ASXL3: variants seen among roughly 807,000 people sequenced by gnomAD.
ASXL3 encodes the protein ASXL transcriptional regulator 3.
Under a neutral mutation model 170.6 loss-of-function variants are expected in ASXL3, and 34 were observed. The ratio of observed to expected loss-of-function variants is 0.20; its 90% confidence interval spans 0.15 to 0.27. The LOEUF is 0.27. Among genes scored for constraint, ASXL3 ranks in the 10% least tolerant of loss-of-function variants. ASXL3 has a pLI of 1.00. For missense variants in ASXL3, 2,592 were observed against 2,695.3 expected, an observed-to-expected ratio of 0.96 and a Z score of 0.85; for synonymous variants, 1,002 against 989.1, an observed-to-expected ratio of 1.01 and a Z score of -0.24.
chr18:33,641,232 A>G (rs2065841922), intron 2 of ASXL3, among the ~76,000 whole-genome samples: 1 of 152,032 alleles, frequency 6.6e-6, no homozygotes, highest in Non-Finnish European at 1.5e-5. Flanking sequence ...GTTTTTCTGT[A>G]TTTCACACAG....
chr18:33,655,569 C>G (rs1444022500), intron 4 of ASXL3, among the ~76,000 whole-genome samples: 2 of 151,924 alleles, frequency 1.3e-5, no homozygotes, highest in Non-Finnish European at 2.9e-5. Context: ...ACCCAAATAC[C>G]TATACCTATC....
In ASXL3 at chr18:33,747,512, TAATG is replaced by T. The variant is rs1283450944; in HGVS notation, c.*921_*924del. The T allele has an allele frequency of 1.3e-5, 2 of 152,086 alleles. No homozygotes were observed. Among genetic ancestry groups the T allele is most frequent in the Non-Finnish European group, 2.9e-5 (2 of 68,030 alleles). 9.4% of individuals were successfully genotyped at this position (152,086 alleles called of 1,614,324 possible). On this transcript the variant is annotated 3_prime_UTR_variant, in exon 12 of 12. Coordinates refer to ENST00000269197, the MANE Select transcript of ASXL3 (RefSeq NM_030632.3). Reference sequence around the variant, plus strand: ...GATAATGTAAATATCCTATTCACGCTAATGAATTACTAGATATTAAAAGTGGGGG... The same window carrying T: ...GATAATGTAAATATCCTATTCACGCTAATTACTAGATATTAAAAGTGGGGG...
chr18:33,720,758 G>A (rs1353306486), intron 8 of ASXL3, among the ~76,000 whole-genome samples: 1 of 152,008 alleles, frequency 6.6e-6, no homozygotes, highest in Non-Finnish European at 1.5e-5. Flanking sequence ...GCCTTTAGAT[G>A]TCTTTATTTC....
chr18:33,745,609 A>C lies in ASXL3; in HGVS notation c.5761A>C (p.Thr1921Pro), dbSNP rs1215911535. 1.2e-6 allele frequency: 2 copies of C among 1,613,772 alleles called. No homozygotes were observed. Among genetic ancestry groups the C allele is most frequent in the Admixed American group, 1.7e-5 (1 of 59,990 alleles). ...FHVDKNGGFH[T>P]DAGTSHRQQF... ...TGTTGACAAGAATGGCGGCTTCCAC[A>C]CTGACGCTGGTACCTCACACAGACA... Residue 1921 changes from threonine to proline, a missense_variant, in exon 12 of 12, where the codon ACT becomes CCT. Thr to Pro is a conservative substitution (Grantham distance 38). Coordinates refer to ENST00000269197, the MANE Select transcript of ASXL3 (RefSeq NM_030632.3).
intron 1 of ASXL3, among the ~76,000 whole-genome samples, chr18:33,590,872 G>A (rs1268013991): frequency 6.6e-6 from 1 of 152,108 alleles, no homozygotes; most frequent in Non-Finnish European, 1.5e-5. Flanking sequence ...TAGGATCCAA[G>A]TACTATTTAG....
rs1476421832 is a variant in ASXL3, at chr18:33,705,364, G to T, written c.879+21796G>T. ...CGAGTGTTTGGAAAATGTGTTTTTTGTTTTTTTTTTTAATTTAACTGAAAA... is the reference window on the plus strand; with the variant it reads ...CGAGTGTTTGGAAAATGTGTTTTTTTTTTTTTTTTTTAATTTAACTGAAAA... On this transcript the variant is annotated intron_variant, in intron 8 of 11. Coordinates refer to ENST00000269197, the MANE Select transcript of ASXL3 (RefSeq NM_030632.3). Among the ~76,000 whole-genome samples the T allele has an allele frequency of 8.9e-4, 124 of 139,854 alleles. No individual in the cohort carries two copies. In the East Asian group the frequency reaches 0.016, roughly 18 times the overall value. The allele number at this position is 139,854 out of a possible 152,430, so 91.7% of individuals were successfully genotyped here.
chr18:33,600,131 G>A (rs1010511701), intron 1 of ASXL3, among the ~76,000 whole-genome samples: 2 of 152,074 alleles, frequency 1.3e-5, no homozygotes, highest in African/African-American at 4.8e-5. Flanking sequence ...TTGGGTGACT[G>A]TGTTTGCAAA....
At chr18:33,662,946 CT>C (rs1363585001) in intron 5 of ASXL3, among the ~76,000 whole-genome samples, 1 of 152,078 alleles carries the variant, frequency 6.6e-6, no homozygotes, top group Non-Finnish European at 1.5e-5. Context: ...AGGAAAGAAA[CT>C]TAACATGGTT....
At chr18:33,597,307 G>A (rs185984311) in intron 1 of ASXL3, among the ~76,000 whole-genome samples, 5 of 151,892 alleles carry the variant, frequency 3.3e-5, no homozygotes, top group African/African-American at 4.8e-5. Context: ...GAATATATGC[G>A]TCCTCTCTAT....
intron 9 of ASXL3, among the ~76,000 whole-genome samples, chr18:33,732,286 T>C (rs2067463028): frequency 6.6e-6 from 1 of 152,210 alleles, no homozygotes; most frequent in Non-Finnish European, 1.5e-5. Context: ...TTGGACATCA[T>C]AAAATTTTTG....
intron 4 of ASXL3, 103 bp from the exon 5 acceptor site, chr18:33,661,513 T>G (rs2066172986): frequency 1.7e-6 from 2 of 1,146,990 alleles, no homozygotes; most frequent in Admixed American, 2.7e-5. Flanking sequence ...TGCTTTATTT[T>G]AGGTATCCAT....
In ASXL3 at chr18:33,745,543, C is replaced by T. The variant is rs754680550; in HGVS notation, c.5695C>T (p.Arg1899Trp). ...CAGCCCTGAGGTCAAACAGCAAAAG[C>T]GGCTGCTCCCCTCGTGTAGCTTCCA... ...VHSPEVKQQK[R>W]LLPSCSFQQN... The change falls in exon 12 of 12, where the codon CGG (arginine) becomes TGG (tryptophan). Residue 1899 changes from arginine to tryptophan, a missense_variant. Transcript: ENST00000269197. 1.1e-5 allele frequency: 18 copies of T among 1,613,856 alleles called. No individual in the cohort carries two copies. Among genetic ancestry groups the T allele is most frequent in the African/African-American group, 5.3e-5 (4 of 74,914 alleles).
At chr18:33,674,113 AG>A (rs2066389510) in intron 7 of ASXL3, among the ~76,000 whole-genome samples, 1 of 152,176 alleles carries the variant, frequency 6.6e-6, no homozygotes, top group Non-Finnish European at 1.5e-5. Context: ...AGGGTTAAGG[AG>A]GTTACATGAA....
chr18:33,704,779 T>C (rs1472268512), intron 8 of ASXL3, among the ~76,000 whole-genome samples: 1 of 152,064 alleles, frequency 6.6e-6, no homozygotes, highest in Non-Finnish European at 1.5e-5. Flanking sequence ...AGATCCTGAT[T>C]ATTTAAATAT....
chr18:33,590,286 T>A (rs763607886), intron 1 of ASXL3, among the ~76,000 whole-genome samples: 1 of 152,034 alleles, frequency 6.6e-6, no homozygotes, highest in South Asian at 2.1e-4. Flanking sequence ...CCAGGCCATA[T>A]CTCTCTCTTA....
chr18:33,648,856 G>A (rs984935233), intron 4 of ASXL3, among the ~76,000 whole-genome samples: 6 of 152,082 alleles, frequency 3.9e-5, no homozygotes, highest in Admixed American at 3.3e-4. Flanking sequence ...TGACTCAAAT[G>A]TGTCAATGCT....
chr18:33,631,140 T>C (rs1311012628), intron 2 of ASXL3, among the ~76,000 whole-genome samples: 1 of 151,894 alleles, frequency 6.6e-6, no homozygotes, highest in Non-Finnish European at 1.5e-5. Flanking sequence ...TCATAAACCA[T>C]GGAGAAAATA....
At chr18:33,593,439 T>C (rs578110953) in intron 1 of ASXL3, among the ~76,000 whole-genome samples, 2 of 151,980 alleles carry the variant, frequency 1.3e-5, no homozygotes, top group Non-Finnish European at 1.5e-5. Context: ...AGATATCCCA[T>C]GCAGAAACTC....
At chr18:33,621,227 A>G (rs2065507972) in intron 2 of ASXL3, among the ~76,000 whole-genome samples, 1 of 152,184 alleles carries the variant, frequency 6.6e-6, no homozygotes, top group Non-Finnish European at 1.5e-5. Context: ...ATGATAGTCA[A>G]TGAATATTTG....
Sources: gnomAD v4.1 joint callset for allele counts (sites outside exome capture counted in the v4.1 genomes callset) on GRCh38, gnomAD v4.1.1 for gene constraint, MANE v1.5 for transcripts, NCBI Gene and HGNC (gene_info 2026-07-23, HGNC 2026-07-21) for gene names.